CTPS1: variants seen among roughly 807,000 people sequenced by gnomAD.
The protein encoded by CTPS1 is CTP synthase 1, also known as CTP synthetase 1.
In CTPS1, 25 loss-of-function variants were observed where a neutral mutation model predicts 80.5. The observed-to-expected ratio is 0.31, with a 90% CI of 0.23 to 0.43. The LOEUF (loss-of-function observed/expected upper bound fraction) is 0.43. Among genes scored for constraint, CTPS1 ranks in the 20% least tolerant of loss-of-function variants. The pLI, the probability that CTPS1 is intolerant of heterozygous loss-of-function variation, is 1.00. For synonymous variants in CTPS1, 267 were observed against 252.5 expected (o/e 1.06, Z -0.54); for missense variants, 442 against 725.7 (o/e 0.61, Z 4.49).
chr1:41,008,895 T>C lies in CTPS1; in HGVS notation c.1546+5T>C. Reference sequence around the variant, plus strand: ...TGGAAATTGTGGAGTTAGAAGGTGATTATTCGGGCAGTTTTATTTAATGGA... The same window carrying C: ...TGGAAATTGTGGAGTTAGAAGGTGACTATTCGGGCAGTTTTATTTAATGGA... On this transcript the variant is annotated splice_donor_5th_base_variant and intron_variant, in intron 16 of 18. Transcript: ENST00000650070. The C allele has an allele frequency of 6.2e-7, 1 of 1,607,760 alleles. No individual in the cohort carries two copies. Among genetic ancestry groups the C allele is most frequent in the Non-Finnish European group, 8.5e-7 (1 of 1,174,214 alleles).
At chr1:41,003,743 G>C (rs2148414529) in intron 12 of CTPS1, among the ~76,000 whole-genome samples, 1 of 152,334 alleles carries the variant, frequency 6.6e-6, no homozygotes, top group Middle Eastern at 3.4e-3. Flanking sequence ...GCCTAGCTGT[G>C]TATTACTATG....
rs767820852 is a variant in CTPS1, at chr1:40,983,308, T to C, written c.18T>C (p.Val6=). 1.2e-6 allele frequency: 2 copies of C among 1,613,970 alleles called. No individual in the cohort carries two copies. The highest frequency in any genetic ancestry group is 2.2e-5 in the South Asian group (2 of 91,070). The change falls in exon 2 of 19, where the codon GTT becomes GTC. Residue 6 remains valine (V), a synonymous_variant. Transcript: ENST00000650070. MKYIL[V]TGGVISGIGK... ...AGAGTAAAATGAAGTACATTCTGGT[T>C]ACTGGTGGTGTTATATCAGGAATTG...
At chr1:40,994,732 A>C (rs988588782) in intron 7 of CTPS1, among the ~76,000 whole-genome samples, 1 of 152,216 alleles carries the variant, frequency 6.6e-6, no homozygotes, top group Non-Finnish European at 1.5e-5. Context: ...AGAAGTACTG[A>C]AAGTGGCCAT....
At chr1:40,989,855 T>C (rs1393283301) in intron 5 of CTPS1, among the ~76,000 whole-genome samples, 1 of 151,558 alleles carries the variant, frequency 6.6e-6, no homozygotes, top group Admixed American at 6.6e-5. Context: ...ATAGCAGAAA[T>C]GAAAAAGTTA....
At position 40,986,543 on chromosome 1, in the gene CTPS1, C is replaced by T. The variant is rs548531488; in HGVS notation, c.338-829C>T. Among the ~76,000 whole-genome samples, 17 of 152,208 alleles carry T rather than the reference C, an allele frequency of 1.1e-4. No individual in the cohort carries two copies. The South Asian group carries it at 1.9e-3, about 17-fold the overall frequency. On this transcript the variant is annotated intron_variant, in intron 3 of 18. Coordinates refer to ENST00000650070, the MANE Select transcript of CTPS1 (RefSeq NM_001905.4). ...CTTGAATTTTAAAAGATCACTTTGA[C>T]GCCATGTGTGGAGTAGATAATGAAT... is the stretch of plus-strand genomic sequence containing the variant.
chr1:40,988,756 G>C, intron 5 of CTPS1, 46 bp downstream of exon 5: 1 of 1,242,580 alleles, frequency 8.0e-7, no homozygotes. Flanking sequence ...ATGGAGAGGA[G>C]GGAGGAAAGG....
chr1:40,985,048 C>CGG, intron 3 of CTPS1, 57 bp downstream of exon 3: 1 of 1,278,080 alleles, frequency 7.8e-7, no homozygotes, highest in Non-Finnish European at 1.1e-6. Flanking sequence ...ATTTCTTCTC[C>CGG]CTCCCACCTC....
At position 41,002,274 on chromosome 1, in the gene CTPS1, AG is replaced by A; in HGVS notation, c.1189+21del. The A allele has an allele frequency of 6.2e-7, 1 of 1,600,510 alleles. No homozygotes were observed. The highest frequency in any genetic ancestry group is 8.6e-7 in the Non-Finnish European group (1 of 1,167,808). On this transcript the variant is annotated intron_variant, in intron 11 of 18. Transcript: ENST00000650070. ...TTTTGGGTAAGGAGCTCTGCAGTGCAGTCTTCACTTAAGAGTAGGAAAGAGT... is the reference window on the plus strand; with the variant it reads ...TTTTGGGTAAGGAGCTCTGCAGTGCATCTTCACTTAAGAGTAGGAAAGAGT...
intron 4 of CTPS1, among the ~76,000 whole-genome samples, chr1:40,987,981 T>C (rs1440310718): frequency 6.6e-6 from 1 of 152,158 alleles, no homozygotes; most frequent in African/African-American, 2.4e-5. Context: ...GCAGCAGTCA[T>C]GGCTCACTGC....
chr1:41,003,295 C>T (rs1642954505), intron 12 of CTPS1, 119 bp downstream of exon 12: 1 of 1,064,256 alleles, frequency 9.4e-7, no homozygotes, highest in Admixed American at 1.9e-5. Flanking sequence ...GTTCCTAGCA[C>T]CTCATGGTGT....
chr1:40,992,282 T>C (rs1279139451), intron 7 of CTPS1, among the ~76,000 whole-genome samples: 1 of 152,220 alleles, frequency 6.6e-6, no homozygotes, highest in African/African-American at 2.4e-5. Flanking sequence ...CAGGGTTAAC[T>C]GCGTCCTTCA....
At chr1:41,008,748 A>T in intron 15 of CTPS1, 34 bp downstream of exon 15, 1 of 1,613,966 alleles carries the variant, frequency 6.2e-7, no homozygotes, top group South Asian at 1.1e-5. Flanking sequence ...CTCTGGAAAG[A>T]TAGTGAGCTG....
intron 1 of CTPS1, chr1:40,981,313 A>G (rs965912590): frequency 1.3e-5 from 2 of 152,228 alleles, no homozygotes; most frequent in Non-Finnish European, 2.9e-5. Context: ...CCAGGCACTG[A>G]GACTGCAAGA....
chr1:41,008,543 C>A, intron 14 of CTPS1, 116 bp from the exon 15 acceptor site: 1 of 1,046,806 alleles, frequency 9.6e-7, no homozygotes. Context: ...TAGAAATAGC[C>A]CTCAAAAGAC....
At position 41,008,800 on chromosome 1, in the gene CTPS1, C is replaced by T; in HGVS notation, c.1456C>T (p.Pro486Ser). The T allele has an allele frequency of 6.2e-7, 1 of 1,614,052 alleles. No homozygotes were observed. Among genetic ancestry groups the T allele is most frequent in the Non-Finnish European group, 8.5e-7 (1 of 1,179,976 alleles). ...ERHRHRFEVN[P>S]VWKKCLEEQG... is the part of the protein sequence containing the mutation. ...ATTTTTCATGCCTCAACAGGTGAAT[C>T]CAGTCTGGAAAAAGTGTTTGGAAGA... The change falls in exon 16 of 19, where the codon CCA becomes TCA. Residue 486 changes from proline to serine, a missense_variant. By Grantham distance (74) the Pro-to-Ser change is moderately conservative. Coordinates refer to ENST00000650070, the MANE Select transcript of CTPS1 (RefSeq NM_001905.4).
rs142531192 is a variant in CTPS1 at position 40,983,048 on chromosome 1, G to C, written c.-13-230G>C. On this transcript the variant is annotated intron_variant, in intron 1 of 18. Transcript: ENST00000650070. ...GCTTTAAACAAAAGCTGTGTTATTA[G>C]AGTAGCAGTTGTTTTTCTACACGTA... The C allele has an allele frequency of 1.8e-5, 7 of 384,712 alleles. No homozygotes were observed. In the Admixed American group the frequency reaches 2.9e-4, roughly 16 times the overall value. The allele number at this position is 384,712 out of a possible 1,614,324, so 23.8% of individuals were successfully genotyped here. A position where few individuals can be genotyped will look rare whatever the true frequency, so the allele number is the denominator to read the frequency against.
chr1:40,999,865 G>C (rs1322695887), intron 9 of CTPS1, among the ~76,000 whole-genome samples: 1 of 152,144 alleles, frequency 6.6e-6, no homozygotes, highest in Non-Finnish European at 1.5e-5. Flanking sequence ...AAGAAACCAG[G>C]CTGAACACTG....
chr1:40,997,340 A>G lies in CTPS1; in HGVS notation c.873-54A>G, dbSNP rs904093097. 9 of 1,580,224 alleles carry G rather than the reference A, an allele frequency of 5.7e-6. No individual in the cohort carries two copies. The African/African-American group carries it at 1.2e-4, about 22-fold the overall frequency. On this transcript the variant is annotated intron_variant, in intron 8 of 18. Coordinates refer to ENST00000650070, the MANE Select transcript of CTPS1 (RefSeq NM_001905.4). ...CCCTTGAAATAGCTATTTTGGTCTC[A>G]TGATAGCGTGTACCTTCTGAGTAAT...
chr1:41,001,211 T>G, intron 10 of CTPS1, 94 bp downstream of exon 10: 1 of 805,940 alleles, frequency 1.2e-6, no homozygotes, highest in Non-Finnish European at 1.9e-6. Context: ...AGTAGGTAAT[T>G]GACTTGTTAA....
Sources: gnomAD v4.1 joint callset for allele counts (sites outside exome capture counted in the v4.1 genomes callset) on GRCh38, gnomAD v4.1.1 for gene constraint, MANE v1.5 for transcripts, NCBI Gene and HGNC (gene_info 2026-07-23, HGNC 2026-07-21) for gene names.